Variants in SND1 observed in about 807,000 individuals in gnomAD.
SND1 encodes the protein staphylococcal nuclease and tudor domain containing 1.
A neutral mutation model predicts 121.7 loss-of-function variants in SND1; 38 were observed. That is an observed-to-expected ratio of 0.31 (90% CI 0.24 to 0.41). The LOEUF is 0.41. Among genes scored for constraint, SND1 ranks in the 10% least tolerant of loss-of-function variants. The pLI is 1.00. For synonymous variants in SND1, 401 were observed against 447.4 expected, an observed-to-expected ratio of 0.90 and a Z score of 1.31; for missense variants, 868 against 1,184.6, an observed-to-expected ratio of 0.73 and a Z score of 3.92.
Position 127,832,546 on chromosome 7 carries a change from A to G in SND1, c.1243-11778A>G, listed in dbSNP as rs936067650. On this transcript the variant is annotated intron_variant, in intron 11 of 23. Transcript: ENST00000354725. ...ACGTGATAGATCTCTAAGGCAGACAATTCTTCATAGAAAAATTCTGTCACA... is the reference window on the plus strand; with the variant it reads ...ACGTGATAGATCTCTAAGGCAGACAGTTCTTCATAGAAAAATTCTGTCACA... Among the ~76,000 whole-genome samples the G allele has an allele frequency of 5.9e-5, 9 of 152,346 alleles. No individual in the cohort carries two copies. The South Asian group carries it at 6.2e-4, about 11-fold the overall frequency.
chr7:127,706,747 T>G (rs1796209004), intron 8 of SND1, among the ~76,000 whole-genome samples: 1 of 152,210 alleles, frequency 6.6e-6, no homozygotes, highest in South Asian at 2.1e-4. Context: ...CATGCTGTAT[T>G]TGAGCTACTT....
At chr7:127,671,724 T>C (rs1462049514) in intron 1 of SND1, among the ~76,000 whole-genome samples, 1 of 152,220 alleles carries the variant, frequency 6.6e-6, no homozygotes, top group African/African-American at 2.4e-5. Flanking sequence ...ATATTTTTGA[T>C]TCTTTAACTT....
intron 1 of SND1, among the ~76,000 whole-genome samples, chr7:127,666,257 T>C (rs989118695): frequency 4.6e-5 from 7 of 152,236 alleles, no homozygotes; most frequent in African/African-American, 1.7e-4. Context: ...TAAGGCGATG[T>C]GGGGCTGCTA....
chr7:127,925,607 CT>C lies in SND1; in HGVS notation c.1528-3567del, dbSNP rs569713380. ...TTTATATATATGGTTGTGGGTGTTT[CT>C]TTTTTTTTTTTTTGAAATGGAGTTT... On this transcript the variant is annotated intron_variant, in intron 14 of 23. Coordinates refer to ENST00000354725, the MANE Select transcript of SND1 (RefSeq NM_014390.4). Among the ~76,000 whole-genome samples, 941 of 140,646 alleles carry C rather than the reference CT, an allele frequency of 6.7e-3. 1 individual carries two copies. Among genetic ancestry groups the C allele is most frequent in the Middle Eastern group, 0.025 (7 of 276 alleles). The allele number at this position is 140,646 out of a possible 152,430, so 92.3% of individuals were successfully genotyped here.
intron 1 of SND1, among the ~76,000 whole-genome samples, chr7:127,682,181 G>T (rs1795738216): frequency 6.6e-6 from 1 of 152,152 alleles, no homozygotes; most frequent in Non-Finnish European, 1.5e-5. Context: ...GATTTAATGT[G>T]GTGTTCCTGT....
intron 15 of SND1, among the ~76,000 whole-genome samples, chr7:127,959,652 A>G (rs1208520492): frequency 1.3e-5 from 2 of 152,114 alleles, no homozygotes; most frequent in East Asian, 1.9e-4. Context: ...TAAAATCGCA[A>G]AACTACCCCA....
chr7:127,702,432 C>T lies in SND1; in HGVS notation c.590-3C>T. The T allele has an allele frequency of 6.2e-7, 1 of 1,613,880 alleles. No individual in the cohort carries two copies. Among genetic ancestry groups the T allele is most frequent in the Non-Finnish European group, 8.5e-7 (1 of 1,179,734 alleles). On this transcript the variant is annotated splice_region_variant and splice_polypyrimidine_tract_variant and intron_variant, in intron 5 of 23. Transcript: ENST00000354725. ...GACTTAAGCTGTTTATTCTGTCACA[C>T]AGCTATCATCGAGCATGTGCGGGAC...
intron 12 of SND1, among the ~76,000 whole-genome samples, chr7:127,885,586 G>A (rs545044883): frequency 3.3e-5 from 5 of 152,070 alleles, no homozygotes; most frequent in Non-Finnish European, 5.9e-5. Context: ...AAGAGGGCAG[G>A]GACAAGGAAG....
chr7:127,981,791 C>G (rs1314503598), intron 15 of SND1, among the ~76,000 whole-genome samples: 1 of 152,186 alleles, frequency 6.6e-6, no homozygotes, highest in Non-Finnish European at 1.5e-5. Flanking sequence ...CCTTCCTTGC[C>G]TCTTCCACTG....
chr7:127,763,248 C>T (rs1584554639), intron 10 of SND1, among the ~76,000 whole-genome samples: 2 of 152,112 alleles, frequency 1.3e-5, no homozygotes, highest in African/African-American at 4.8e-5. Flanking sequence ...CCTAGCTACT[C>T]GAGTTCTTTG....
At chr7:128,031,643 G>A (rs1233370181) in intron 16 of SND1, 4 of 147,638 alleles carry the variant, frequency 2.7e-5, no homozygotes, top group Admixed American at 2.0e-4. Context: ...GCTGCGCTCG[G>A]ACCCGGTCCG....
At chr7:127,817,000 C>G (rs745843266) in intron 11 of SND1, among the ~76,000 whole-genome samples, 37 of 152,144 alleles carry the variant, frequency 2.4e-4, no homozygotes, top group Admixed American at 4.6e-4. Context: ...ATTTTTTGGA[C>G]AGCTACTCTG....
chr7:128,006,723 G>A lies in SND1; in HGVS notation c.1779+15667G>A, dbSNP rs572433776. 2.0e-4 allele frequency among the ~76,000 whole-genome samples: 31 copies of A among 152,348 alleles called. No homozygotes were observed. In the Middle Eastern group the frequency reaches 0.01, roughly 50 times the overall value. On this transcript the variant is annotated intron_variant, in intron 16 of 23. Coordinates refer to ENST00000354725, the MANE Select transcript of SND1 (RefSeq NM_014390.4). ...ATCAGTGCTGAAGTTTGCTGCTGTGGCATAAAGTGAGCCAATTCCCAGAAA... is the reference window on the plus strand; with the variant it reads ...ATCAGTGCTGAAGTTTGCTGCTGTGACATAAAGTGAGCCAATTCCCAGAAA...
intron 10 of SND1, among the ~76,000 whole-genome samples, chr7:127,746,142 T>C (rs1460192123): frequency 6.6e-6 from 1 of 152,172 alleles, no homozygotes; most frequent in Non-Finnish European, 1.5e-5. Flanking sequence ...TAAGCACCTG[T>C]AGGGAAACGG....
rs79488266 is a variant in SND1 at position 127,920,585 on chromosome 7, G to C, written c.1528-8603G>C. ...CAGTTTGGGATGAGGTAGGGAGGCA[G>C]ATTTATTCATGGAAGCTTTTCTATA... On this transcript the variant is annotated intron_variant, in intron 14 of 23. Transcript: ENST00000354725. Among the ~76,000 whole-genome samples, 899 of 152,264 alleles carry C rather than the reference G, an allele frequency of 5.9e-3. 16 individuals carry two copies. The highest frequency in any genetic ancestry group is 0.021 in the African/African-American group (857 of 41,558).
chr7:127,752,042 T>A (rs1004313302), intron 10 of SND1, among the ~76,000 whole-genome samples: 2 of 152,260 alleles, frequency 1.3e-5, no homozygotes, highest in Admixed American at 6.5e-5. Flanking sequence ...ATGGGGCCAG[T>A]TGGCTGGGAT....
intron 12 of SND1, among the ~76,000 whole-genome samples, chr7:127,866,975 T>C (rs1799490347): frequency 6.6e-6 from 1 of 152,236 alleles, no homozygotes; most frequent in South Asian, 2.1e-4. Flanking sequence ...ATTCCAGTTC[T>C]TTTGTTCTCC....
chr7:127,789,361 A>G (rs1396166167), intron 10 of SND1, among the ~76,000 whole-genome samples: 1 of 152,236 alleles, frequency 6.6e-6, no homozygotes, highest in Admixed American at 6.5e-5. Context: ...AACCTTTTTA[A>G]AAAATTCATA....
intron 10 of SND1, among the ~76,000 whole-genome samples, chr7:127,794,883 A>G (rs1797986499): frequency 6.6e-6 from 1 of 152,246 alleles, no homozygotes; most frequent in Non-Finnish European, 1.5e-5. Flanking sequence ...TGAAAAGGAA[A>G]GTAGTGCCAG....
Sources: allele counts gnomAD v4.1 joint callset (sites outside exome capture counted in the v4.1 genomes callset), GRCh38; gene constraint gnomAD v4.1.1; transcripts MANE v1.5; gene names NCBI Gene and HGNC (gene_info 2026-07-23, HGNC 2026-07-21).